SEMA6D: variants seen among roughly 807,000 people sequenced by gnomAD.
SEMA6D encodes semaphorin-6D.
Under a neutral mutation model 106.6 loss-of-function variants are expected in SEMA6D, and 35 were observed. The ratio of observed to expected loss-of-function variants is 0.33; its 90% CI spans 0.25 to 0.44. The LOEUF is 0.44. Among genes scored for constraint, SEMA6D ranks in the 20% least tolerant of loss-of-function variants. SEMA6D has a pLI of 1.00. For synonymous variants in SEMA6D, 499 were observed against 487.7 expected, an observed-to-expected ratio of 1.02 and a Z score of -0.31; for missense variants, 1,185 against 1,345.9, an observed-to-expected ratio of 0.88 and a Z score of 1.87.
intron 1 of SEMA6D, among the ~76,000 whole-genome samples, chr15:47,372,679 A>G (rs774004308): frequency 8.5e-5 from 13 of 152,216 alleles, no homozygotes; most frequent in Non-Finnish European, 1.6e-4. Context: ...TAATAAAACC[A>G]CAATGTTGTT....
At chr15:47,565,850 G>A (rs1047248367) in intron 3 of SEMA6D, among the ~76,000 whole-genome samples, 6 of 152,304 alleles carry the variant, frequency 3.9e-5, no homozygotes, top group Non-Finnish European at 7.4e-5. Context: ...ATCACTGCAT[G>A]TGAGTTTGAG....
intron 1 of SEMA6D, among the ~76,000 whole-genome samples, chr15:47,746,121 A>T (rs1198058005): frequency 6.6e-6 from 1 of 152,160 alleles, no homozygotes; most frequent in Non-Finnish European, 1.5e-5. Context: ...GGTGACCGAA[A>T]ACCAAAGGAC....
chr15:47,471,931 T>TCTCTCTCTCTCA (rs1555445502), intron 3 of SEMA6D, among the ~76,000 whole-genome samples: 1 of 121,436 alleles, frequency 8.2e-6, no homozygotes, highest in Non-Finnish European at 1.7e-5. Flanking sequence ...TCTCTCTCTC[T>TCTCTCTCTCTCA]CACACACACA....
intron 1 of SEMA6D, among the ~76,000 whole-genome samples, chr15:47,260,012 T>C (rs2033996652): frequency 6.6e-6 from 1 of 151,858 alleles, no homozygotes; most frequent in African/African-American, 2.4e-5. Context: ...TTTTTTTCCA[T>C]TTTGGTTATT....
At chr15:47,769,233 C>T (rs1025154723) in intron 18 of SEMA6D, among the ~76,000 whole-genome samples, 2 of 152,104 alleles carry the variant, frequency 1.3e-5, no homozygotes, top group South Asian at 4.1e-4. Context: ...GAGTGCTCGT[C>T]CATAACTATC....
At chr15:47,392,518 G>A (rs371831496) in intron 1 of SEMA6D, among the ~76,000 whole-genome samples, 1 of 45,784 alleles carries the variant, frequency 2.2e-5, no homozygotes, top group Non-Finnish European at 3.5e-5. Context: ...ACGGAGGAAG[G>A]TGAAAGATTG....
chr15:47,533,288 A>C (rs905728092), intron 3 of SEMA6D, among the ~76,000 whole-genome samples: 1 of 152,228 alleles, frequency 6.6e-6, no homozygotes, highest in Non-Finnish European at 1.5e-5. Context: ...CAATAAACCC[A>C]ACAAAAAATA....
intron 1 of SEMA6D, among the ~76,000 whole-genome samples, chr15:47,361,773 C>T (rs2038817196): frequency 6.6e-6 from 1 of 152,132 alleles, no homozygotes; most frequent in African/African-American, 2.4e-5. Flanking sequence ...TCCACTCAGC[C>T]TCTCCCCGCC....
At chr15:47,259,517 T>G (rs1474225859) in intron 1 of SEMA6D, among the ~76,000 whole-genome samples, 1 of 152,122 alleles carries the variant, frequency 6.6e-6, no homozygotes, top group African/African-American at 2.4e-5. Flanking sequence ...TTCTGGCCTC[T>G]CTGGTTTCTG....
chr15:47,220,554 G>C lies in SEMA6D; in HGVS notation c.-239+36136G>C, dbSNP rs578203317. 1.8e-4 allele frequency among the ~76,000 whole-genome samples: 27 copies of C among 152,220 alleles called. No individual in the cohort carries two copies. In the East Asian group the frequency reaches 5.0e-3, roughly 28 times the overall value. On this transcript the variant is annotated intron_variant, in intron 1 of 19. Coordinates refer to the SEMA6D transcript ENST00000558014. ...TTTGGAGTTCCTGAGCTAAGCATGA[G>C]GGGGAATGGGCTCACCAAACTGCTA...
intron 2 of SEMA6D, among the ~76,000 whole-genome samples, chr15:47,420,178 G>A (rs549197624): frequency 2.0e-5 from 3 of 152,094 alleles, no homozygotes; most frequent in Admixed American, 1.3e-4. Flanking sequence ...TGAATGGGCT[G>A]GTTCCCTCTG....
chr15:47,610,777 A>G (rs914800618), intron 4 of SEMA6D, among the ~76,000 whole-genome samples: 1 of 152,238 alleles, frequency 6.6e-6, no homozygotes, highest in African/African-American at 2.4e-5. Flanking sequence ...TCCACAGCTG[A>G]AAATATAGTT....
At chr15:47,407,406 C>CAAA (rs1231097214) in intron 1 of SEMA6D, among the ~76,000 whole-genome samples, 44 of 105,768 alleles carry the variant, frequency 4.2e-4, no homozygotes, top group Non-Finnish European at 5.1e-4. Flanking sequence ...ACAACAACAA[C>CAAA]AACAAAAAAA....
chr15:47,723,768 A>G (rs2079562701), intron 1 of SEMA6D, among the ~76,000 whole-genome samples: 1 of 152,196 alleles, frequency 6.6e-6, no homozygotes, highest in Non-Finnish European at 1.5e-5. Flanking sequence ...CATGACCACT[A>G]CACATAATAC....
Position 47,771,434 on chromosome 15 carries a change from T to C in SEMA6D, c.2871T>C (p.Ser957=), listed in dbSNP as rs748230629. ...VPTTPGVPMT[S]LERQRGYHKN... is the part of the protein sequence containing the mutation. ...CCACTCCTGGAGTCCCAATGACTTC[T>C]CTGGAAAGACAAAGAGGTTATCACA... Residue 957 remains serine (S), a synonymous_variant, in exon 19 of 19, where the codon TCT becomes TCC. Coordinates refer to ENST00000536845, the MANE Select transcript of SEMA6D (RefSeq NM_001358351.3). 1.2e-6 allele frequency: 2 copies of C among 1,614,014 alleles called. No individual in the cohort carries two copies. The highest frequency in any genetic ancestry group is 2.2e-5 in the East Asian group (1 of 44,874).
At chr15:47,739,779 C>G (rs2080690898) in intron 1 of SEMA6D, among the ~76,000 whole-genome samples, 1 of 152,162 alleles carries the variant, frequency 6.6e-6, no homozygotes, top group African/African-American at 2.4e-5. Flanking sequence ...CTGAAATCAT[C>G]AGAGTGGTCT....
At chr15:47,477,758 G>A (rs1296645947) in intron 3 of SEMA6D, among the ~76,000 whole-genome samples, 2 of 151,958 alleles carry the variant, frequency 1.3e-5, no homozygotes, top group Non-Finnish European at 2.9e-5. Context: ...GGCTTGCAGT[G>A]TACTTCATTG....
At chr15:47,637,995 T>C (rs529096780) in intron 4 of SEMA6D, among the ~76,000 whole-genome samples, 1 of 152,296 alleles carries the variant, frequency 6.6e-6, no homozygotes, top group African/African-American at 2.4e-5. Context: ...ACCTGGAGCA[T>C]ATATATTGTA....
At chr15:47,343,846 A>G (rs973305287) in intron 1 of SEMA6D, among the ~76,000 whole-genome samples, 19 of 152,198 alleles carry the variant, frequency 1.2e-4, no homozygotes, top group African/African-American at 4.3e-4. Context: ...TCATCTGACA[A>G]AGGGCTAATA....
Sources: allele counts gnomAD v4.1 joint callset (sites outside exome capture counted in the v4.1 genomes callset), GRCh38; gene constraint gnomAD v4.1.1; transcripts MANE v1.5; gene names NCBI Gene and HGNC (gene_info 2026-07-23, HGNC 2026-07-21).